The following ARHGAP36 variants were observed in gnomAD, a reference collection of about 807,000 sequenced individuals.
ARHGAP36 encodes Rho GTPase activating protein 36, also known as rho GTPase-activating protein 36.
In ARHGAP36, 7 loss-of-function variants were observed where a neutral mutation model predicts 32.9. That is an observed-to-expected ratio of 0.21 (90% CI 0.12 to 0.40). ARHGAP36 has a LOEUF of 0.40. Among genes scored for constraint, ARHGAP36 ranks in the 10% least tolerant of loss-of-function variants. ARHGAP36 has a pLI of 1.00. For missense variants in ARHGAP36, 383 were observed against 442.2 expected, an observed-to-expected ratio of 0.87 and a Z score of 1.20; for synonymous variants, 165 against 168.3, an observed-to-expected ratio of 0.98 and a Z score of 0.15.
chrX:131,081,383 T>C, intron 1 of ARHGAP36, 141 bp from the exon 2 acceptor site: 1 of 452,849 alleles, frequency 2.2e-6, no homozygotes, highest in Non-Finnish European at 3.1e-6. Context: ...CAAAGTGCTT[T>C]TGTTAAAAAA....
chrX:131,080,989 T>C (rs934096657), intron 1 of ARHGAP36, among the ~76,000 whole-genome samples: 3 of 112,490 alleles, frequency 2.7e-5, no homozygotes, highest in Non-Finnish European at 5.6e-5. Flanking sequence ...AATGATTGCA[T>C]AATTTTTCCA....
chrX:131,070,859 C>G (rs1401757418), intron 1 of ARHGAP36, among the ~76,000 whole-genome samples: 1 of 109,081 alleles, frequency 9.2e-6, no homozygotes, highest in Admixed American at 1.0e-4. Flanking sequence ...TACTCAGGTT[C>G]AAATCGTGTC....
At chrX:131,077,772 T>TATATATATATAC (rs2079771378) in intron 1 of ARHGAP36, among the ~76,000 whole-genome samples, 1 of 7,314 alleles carries the variant, frequency 1.4e-4, no homozygotes, top group African/African-American at 2.9e-4. Context: ...ATCATATATA[T>TATATATATATAC]ATATATATAT....
chrX:131,067,448 G>A (rs1462286359), intron 1 of ARHGAP36, among the ~76,000 whole-genome samples: 1 of 113,132 alleles, frequency 8.8e-6, no homozygotes, highest in African/African-American at 3.2e-5. Flanking sequence ...CCCTGCCCCA[G>A]CGGGCCTTGC....
intron 6 of ARHGAP36, 44 bp downstream of exon 6, chrX:131,084,725 AGCAGGAG>A (rs2079825065): frequency 8.3e-7 from 1 of 1,201,344 alleles, no homozygotes; most frequent in East Asian, 3.0e-5. Flanking sequence ...AATAAGAAAG[AGCAGGAG>A]GAGGTGGGGT....
At position 131,081,553 on chromosome X, in the gene ARHGAP36, G is replaced by T; in HGVS notation, c.-113G>T. 8.9e-7 allele frequency: 1 copy of T among 1,121,741 alleles called. No individual in the cohort carries two copies. The highest frequency in any genetic ancestry group is 1.2e-6 in the Non-Finnish European group (1 of 853,763). 92.4% of individuals were successfully genotyped at this position (1,121,741 alleles called of 1,213,427 possible). On this transcript the variant is annotated 5_prime_UTR_variant, in exon 2 of 12. The change creates a new upstream start codon in the 5' untranslated region. Coordinates refer to ENST00000276211, the MANE Select transcript of ARHGAP36 (RefSeq NM_144967.4). ...AACAACCAGAGGCTGCTCTGCTTGA[G>T]GGTGAAGCCGCCTCCCAGTTTTCCC... is the stretch of plus-strand genomic sequence containing the variant.
intron 1 of ARHGAP36, among the ~76,000 whole-genome samples, chrX:131,076,157 G>A (rs1030801435): frequency 2.7e-5 from 3 of 112,037 alleles, no homozygotes; most frequent in African/African-American, 9.7e-5. Flanking sequence ...ATGGGCATAT[G>A]GAAAGCTTTT....
In ARHGAP36 at chrX:131,083,792, C is replaced by T. The variant is rs139864201; in HGVS notation, c.378C>T (p.Thr126=). The T allele has an allele frequency of 0.013, 16,307 of 1,210,619 alleles. 93 individuals carry two copies. The highest frequency in any genetic ancestry group is 0.016 in the Non-Finnish European group (14,229 of 895,338). Residue 126 remains threonine (T), a synonymous_variant, in exon 4 of 12, where the codon ACC becomes ACT. Transcript: ENST00000276211. ...AAGAGGTCCTGGTGAACGAGTTTAC[C>T]CGCCGCAAGCATCTTGAACTGACAG... ...SLEEVLVNEF[T]RRKHLELTAT...
At chrX:131,084,491 C>G in intron 5 of ARHGAP36, 84 bp downstream of exon 5, 4 of 1,141,002 alleles carry the variant, frequency 3.5e-6, no homozygotes, top group Non-Finnish European at 4.7e-6. Flanking sequence ...GAAAAGAGGC[C>G]GAGGATGAAG....
At chrX:131,073,820 T>C (rs2079745426) in intron 1 of ARHGAP36, among the ~76,000 whole-genome samples, 1 of 110,926 alleles carries the variant, frequency 9.0e-6, no homozygotes, top group African/African-American at 3.3e-5. Flanking sequence ...TGGTCCAATT[T>C]TGAATGGGGA....
At chrX:131,067,585 GC>G (rs1270575772) in intron 1 of ARHGAP36, among the ~76,000 whole-genome samples, 1 of 111,829 alleles carries the variant, frequency 8.9e-6, no homozygotes, top group African/African-American at 3.3e-5. Context: ...ACTCGTCCCC[GC>G]CCCCAACCAC....
At chrX:131,077,846 A>T (rs1242366466) in intron 1 of ARHGAP36, among the ~76,000 whole-genome samples, 1 of 105,722 alleles carries the variant, frequency 9.5e-6, no homozygotes, top group African/African-American at 3.6e-5. Context: ...TGAAAGAGAA[A>T]CAAATTTTGA....
intron 1 of ARHGAP36, among the ~76,000 whole-genome samples, chrX:131,071,700 A>G (rs2079733804): frequency 9.0e-6 from 1 of 111,639 alleles, no homozygotes. Context: ...GCTGTACTCT[A>G]TCCTTTCCCT....
chrX:131,063,254 T>C (rs2079678955), intron 1 of ARHGAP36, among the ~76,000 whole-genome samples: 1 of 111,621 alleles, frequency 9.0e-6, no homozygotes, highest in Non-Finnish European at 1.9e-5. Context: ...CAGATACACT[T>C]CCTGAGAAAC....
chrX:131,070,917 G>A (rs2079730171), intron 1 of ARHGAP36, among the ~76,000 whole-genome samples: 1 of 109,036 alleles, frequency 9.2e-6, no homozygotes, highest in Non-Finnish European at 1.9e-5. Flanking sequence ...ACCTGGGTGG[G>A]TTTTCTTTTC....
Position 131,062,327 on chromosome X carries a change from A to G in ARHGAP36, c.-143+3883A>G, listed in dbSNP as rs945017135. Among the ~76,000 whole-genome samples, 5 of 112,416 alleles carry G rather than the reference A, an allele frequency of 4.4e-5. No homozygotes were observed. The Admixed American group carries it at 4.7e-4, about 11-fold the overall frequency. On this transcript the variant is annotated intron_variant, in intron 1 of 11. Transcript: ENST00000276211. ...AGTCTATGAAGTTTGTTCTTCAATT[A>G]CTGTTATAATTTAAAAAGGCATACA...
At chrX:131,082,858 G>A (rs182186756) in intron 2 of ARHGAP36, among the ~76,000 whole-genome samples, 4 of 113,225 alleles carry the variant, frequency 3.5e-5, no homozygotes, top group Non-Finnish European at 7.5e-5. Flanking sequence ...TCAGAGCCCC[G>A]GAATTTATGT....
At chrX:131,070,761 G>A (rs183845975) in intron 1 of ARHGAP36, among the ~76,000 whole-genome samples, 11 of 109,227 alleles carry the variant, frequency 1.0e-4, no homozygotes, top group African/African-American at 3.3e-4. Context: ...TATATCATGC[G>A]GTCTTTGTGT....
chrX:131,075,537 A>G (rs1022565829), intron 1 of ARHGAP36, among the ~76,000 whole-genome samples: 1 of 108,832 alleles, frequency 9.2e-6, no homozygotes, highest in African/African-American at 3.4e-5. Context: ...TTTTTCCAAA[A>G]ACATATATAT....
Sources: allele counts gnomAD v4.1 joint callset (sites outside exome capture counted in the v4.1 genomes callset), GRCh38; gene constraint gnomAD v4.1.1; transcripts MANE v1.5; gene names NCBI Gene and HGNC (gene_info 2026-07-23, HGNC 2026-07-21).